Variants in PMFBP1 observed in about 807,000 individuals in gnomAD.
PMFBP1 encodes polyamine modulated factor 1 binding protein 1, also known as polyamine-modulated factor 1-binding protein 1.
PMFBP1 carries 131 observed loss-of-function variants against 137.8 expected under a neutral mutation model. The observed-to-expected ratio is 0.95, with a 90% confidence interval of 0.82 to 1.10. The LOEUF is 1.10. Ranked by LOEUF, PMFBP1 falls within the 50% of genes least tolerant of loss-of-function variation. PMFBP1 has a pLI of 0.00. For missense variants in PMFBP1, 1,199 were observed against 1,175.4 expected (o/e 1.02, Z -0.29); for synonymous variants, 490 against 450.4 (o/e 1.09, Z -1.11).
At chr16:72,216,247 A>G in the PMFBP1 span, among the ~76,000 whole-genome samples, 1 of 152,220 alleles carries the variant, frequency 6.6e-6, no homozygotes, top group Non-Finnish European at 1.5e-5. Flanking sequence ...GAGCTGCCCT[A>G]CGACAAGAAT....
chr16:72,145,921 C>T (rs750194862), intron 5 of PMFBP1, among the ~76,000 whole-genome samples: 3 of 152,086 alleles, frequency 2.0e-5, no homozygotes, highest in South Asian at 2.1e-4. Context: ...CAGGACCAGA[C>T]GAATTCACAA....
At chr16:72,208,156 A>T in the PMFBP1 span, among the ~76,000 whole-genome samples, 1 of 152,166 alleles carries the variant, frequency 6.6e-6, no homozygotes, top group Admixed American at 6.5e-5. Flanking sequence ...ACCCTCATAC[A>T]CACACCCAAG....
intron 9 of PMFBP1, among the ~76,000 whole-genome samples, chr16:72,135,003 AG>A (rs1156717466): frequency 6.6e-6 from 1 of 152,182 alleles, no homozygotes; most frequent in Non-Finnish European, 1.5e-5. Flanking sequence ...GGCATATTTT[AG>A]GGCTCAAAAA....
the PMFBP1 span, among the ~76,000 whole-genome samples, chr16:72,227,690 A>G: frequency 6.6e-6 from 1 of 152,202 alleles, no homozygotes; most frequent in Admixed American, 6.5e-5. Flanking sequence ...GAGACGTGGC[A>G]TAGAATTCCA....
At chr16:72,139,789 T>C (rs1431935632) in intron 6 of PMFBP1, among the ~76,000 whole-genome samples, 2 of 151,476 alleles carry the variant, frequency 1.3e-5, no homozygotes, top group African/African-American at 4.8e-5. Context: ...GTGTGTGTAA[T>C]TTTTTTTTGA....
At chr16:72,191,393 T>C in the PMFBP1 span, among the ~76,000 whole-genome samples, 1 of 152,248 alleles carries the variant, frequency 6.6e-6, no homozygotes, top group African/African-American at 2.4e-5. Flanking sequence ...ACACATTTAG[T>C]ACATTCGAGA....
At chr16:72,236,658 A>T in the PMFBP1 span, among the ~76,000 whole-genome samples, 1 of 152,106 alleles carries the variant, frequency 6.6e-6, no homozygotes, top group African/African-American at 2.4e-5. Context: ...TTGGGGGAAA[A>T]ACAAAACAAA....
the PMFBP1 span, among the ~76,000 whole-genome samples, chr16:72,229,528 T>C: frequency 6.6e-6 from 1 of 152,162 alleles, no homozygotes; most frequent in African/African-American, 2.4e-5. Context: ...TTTTCTTTTT[T>C]CTTTTTAATA....
the PMFBP1 span, among the ~76,000 whole-genome samples, chr16:72,235,845 T>C: frequency 8.5e-5 from 13 of 152,160 alleles, no homozygotes; most frequent in African/African-American, 3.1e-4. Context: ...TCTTGTGTCG[T>C]GCAACACTGC....
chr16:72,199,429 G>A, the PMFBP1 span, among the ~76,000 whole-genome samples: 4 of 152,100 alleles, frequency 2.6e-5, no homozygotes, highest in African/African-American at 9.7e-5. Flanking sequence ...CGAGGTGGGC[G>A]GATGGCCTGA....
intron 2 of PMFBP1, among the ~76,000 whole-genome samples, chr16:72,169,994 C>G (rs376433746): frequency 6.6e-6 from 1 of 151,464 alleles, no homozygotes; most frequent in Non-Finnish European, 1.5e-5. Context: ...ACCTATGGAA[C>G]GTGGGCTGAT....
intron 5 of PMFBP1, among the ~76,000 whole-genome samples, chr16:72,144,145 T>A (rs2042766901): frequency 6.6e-6 from 1 of 152,014 alleles, no homozygotes; most frequent in Non-Finnish European, 1.5e-5. Context: ...ATACGTGAGA[T>A]CTACAGAGAA....
chr16:72,221,590 C>A, the PMFBP1 span, among the ~76,000 whole-genome samples: 1 of 152,064 alleles, frequency 6.6e-6, no homozygotes, highest in Non-Finnish European at 1.5e-5. Context: ...AAGTGACAGG[C>A]AGATGAAGGG....
intron 14 of PMFBP1, among the ~76,000 whole-genome samples, chr16:72,127,031 G>T (rs1288654740): frequency 6.6e-6 from 1 of 152,188 alleles, no homozygotes; most frequent in East Asian, 1.9e-4. Context: ...TATACTTTAA[G>T]TACAGGACAG....
At chr16:72,164,676 G>A in intron 3 of PMFBP1, 88 bp downstream of exon 3, 1 of 1,466,362 alleles carries the variant, frequency 6.8e-7, no homozygotes. Context: ...TGAATGAACA[G>A]TGGAAGAACT....
chr16:72,237,466 C>T, the PMFBP1 span, among the ~76,000 whole-genome samples: 1 of 152,020 alleles, frequency 6.6e-6, no homozygotes, highest in South Asian at 2.1e-4. Context: ...GGTGCTGGCT[C>T]TTTGGAGGAG....
chr16:72,175,311 T>G (rs1333729654), upstream of PMFBP1, among the ~76,000 whole-genome samples: 1 of 152,206 alleles, frequency 6.6e-6, no homozygotes. Flanking sequence ...TGTGTGGTTT[T>G]GGAGAGAGGA....
the PMFBP1 span, among the ~76,000 whole-genome samples, chr16:72,204,663 T>G: frequency 2.0e-5 from 3 of 152,212 alleles, no homozygotes; most frequent in Non-Finnish European, 2.9e-5. Context: ...GAGGGAAGGA[T>G]GTACAGGTAG....
intron 4 of PMFBP1, 136 bp from the exon 5 acceptor site, chr16:72,150,965 AT>A (rs889821829): frequency 2.2e-5 from 16 of 734,442 alleles, no homozygotes; most frequent in Non-Finnish European, 3.7e-5. Context: ...GGCTGCACAG[AT>A]CTAAAAGCTA....
Sources: allele counts gnomAD v4.1 joint callset (sites outside exome capture counted in the v4.1 genomes callset), GRCh38; gene constraint gnomAD v4.1.1; transcripts MANE v1.5; gene names NCBI Gene and HGNC (gene_info 2026-07-23, HGNC 2026-07-21).